The following ADK variants were observed in gnomAD, a reference collection of about 807,000 sequenced individuals.
The protein encoded by ADK is adenosine kinase.
Under a neutral mutation model 44.7 loss-of-function variants are expected in ADK, and 24 were observed. That is an observed-to-expected ratio of 0.54 (90% CI 0.39 to 0.76). ADK has a LOEUF of 0.76. Ranked by LOEUF, ADK falls within the 30% of genes least tolerant of loss-of-function variation. The probability of loss-of-function intolerance (pLI) is 0.00; values close to 1 mark genes in which losing one functional copy is unlikely to be tolerated. For missense variants in ADK, 321 were observed against 425.1 expected, an observed-to-expected ratio of 0.76 and a Z score of 2.15; for synonymous variants, 128 against 142.6, an observed-to-expected ratio of 0.90 and a Z score of 0.73.
chr10:74,382,301 A>T (rs1380508344), intron 4 of ADK, among the ~76,000 whole-genome samples: 1 of 152,044 alleles, frequency 6.6e-6, no homozygotes, highest in Non-Finnish European at 1.5e-5. Flanking sequence ...GTTTTACCAC[A>T]TTGCCTAGGC....
At position 74,600,420 on chromosome 10, in the gene ADK, G is replaced by A; in HGVS notation, c.804G>A (p.Leu268=). The A allele has an allele frequency of 6.2e-7, 1 of 1,610,984 alleles. No individual in the cohort carries two copies. Among genetic ancestry groups the A allele is most frequent in the Non-Finnish European group, 8.5e-7 (1 of 1,178,322 alleles). Reference sequence around the variant, plus strand: ...AGATAGCCAAAAAGACACAAGCCCTGCCAAAGATGAACTCAAAGAGGCAGC... The same window carrying A: ...AGATAGCCAAAAAGACACAAGCCCTACCAAAGATGAACTCAAAGAGGCAGC... ...IKEIAKKTQA[L]PKMNSKRQRI... The change falls in exon 9 of 11, where the codon CTG becomes CTA. Residue 268 remains leucine, a synonymous_variant. Transcript: ENST00000539909.
chr10:74,244,008 A>AT (rs1195409110), intron 3 of ADK, among the ~76,000 whole-genome samples: 2 of 151,792 alleles, frequency 1.3e-5, no homozygotes. Context: ...TTAAAAAAAA[A>AT]CTAATACCAC....
At chr10:74,371,045 C>T (rs1592113812) in intron 4 of ADK, among the ~76,000 whole-genome samples, 1 of 152,096 alleles carries the variant, frequency 6.6e-6, no homozygotes, top group African/African-American at 2.4e-5. Context: ...TCAAACAACA[C>T]ATTATGATGA....
chr10:74,285,810 G>A (rs1407674432), intron 3 of ADK, among the ~76,000 whole-genome samples: 1 of 152,176 alleles, frequency 6.6e-6, no homozygotes, highest in Non-Finnish European at 1.5e-5. Flanking sequence ...TCTGGTAGGT[G>A]CAATCAACAG....
At chr10:74,547,761 C>G (rs1361752127) in intron 7 of ADK, among the ~76,000 whole-genome samples, 2 of 151,926 alleles carry the variant, frequency 1.3e-5, no homozygotes, top group Non-Finnish European at 2.9e-5. Flanking sequence ...TGGATTGAAG[C>G]AATTCTCCTG....
chr10:74,505,042 G>A (rs1848010436), intron 6 of ADK, among the ~76,000 whole-genome samples: 1 of 152,154 alleles, frequency 6.6e-6, no homozygotes, highest in Admixed American at 6.5e-5. Context: ...GCAGGCTGAA[G>A]AGGAGGGTGG....
chr10:74,260,081 T>C (rs2132369549), intron 3 of ADK, among the ~76,000 whole-genome samples: 1 of 151,998 alleles, frequency 6.6e-6, no homozygotes, highest in East Asian at 1.9e-4. Flanking sequence ...AAAGGTAATA[T>C]GTGTACATGG....
intron 4 of ADK, among the ~76,000 whole-genome samples, chr10:74,363,045 A>T (rs1223463801): frequency 6.6e-6 from 1 of 152,236 alleles, no homozygotes; most frequent in Non-Finnish European, 1.5e-5. Context: ...TGTGGAAAGG[A>T]GGCTGATTGG....
rs151288973 is a variant in ADK at position 74,343,230 on chromosome 10, G to A, written c.273+28485G>A. ...CTTGCACAACATGGCGATTGTGGGT[G>A]CTGACCCACTGCATAGTCTAAAATC... On this transcript the variant is annotated intron_variant, in intron 4 of 10. Transcript: ENST00000539909. Among the ~76,000 whole-genome samples the A allele has an allele frequency of 4.8e-3, 728 of 152,152 alleles. 9 individuals carry two copies. Among genetic ancestry groups the A allele is most frequent in the African/African-American group, 0.016 (679 of 41,502 alleles).
At chr10:74,484,358 G>T (rs1020537630) in intron 6 of ADK, among the ~76,000 whole-genome samples, 3 of 152,124 alleles carry the variant, frequency 2.0e-5, no homozygotes, top group Non-Finnish European at 4.4e-5. Context: ...GCCCCACTAG[G>T]CCCCTCTTCT....
intron 6 of ADK, among the ~76,000 whole-genome samples, chr10:74,483,566 A>C (rs1847153057): frequency 6.6e-6 from 1 of 152,154 alleles, no homozygotes; most frequent in Admixed American, 6.5e-5. Context: ...CAGGCTGTAC[A>C]TTTTCCAAAC....
At chr10:74,470,361 T>G (rs1846523107) in intron 6 of ADK, among the ~76,000 whole-genome samples, 1 of 152,052 alleles carries the variant, frequency 6.6e-6, no homozygotes, top group South Asian at 2.1e-4. Flanking sequence ...GATGGACATT[T>G]AGATTGCTTC....
intron 7 of ADK, among the ~76,000 whole-genome samples, chr10:74,544,702 C>T (rs1849763205): frequency 6.6e-6 from 1 of 151,896 alleles, no homozygotes; most frequent in African/African-American, 2.4e-5. Context: ...TGGTGAAACC[C>T]CTTCTCCACT....
chr10:74,493,886 AT>A (rs557514383), intron 6 of ADK, among the ~76,000 whole-genome samples: 5 of 151,776 alleles, frequency 3.3e-5, no homozygotes, highest in South Asian at 2.1e-4. Context: ...ATGTATGTGT[AT>A]TTTTTTTATT....
At chr10:74,244,386 G>A (rs1845337294) in intron 3 of ADK, among the ~76,000 whole-genome samples, 1 of 152,178 alleles carries the variant, frequency 6.6e-6, no homozygotes. Context: ...TATTTTGGGT[G>A]TAGATGAGCT....
rs528488763 is a variant in ADK, at chr10:74,403,523, CCATGGG to C, written c.555+4951_555+4956del. On this transcript the variant is annotated intron_variant, in intron 6 of 10. Transcript: ENST00000539909. ...TGCTGTGCTAGCAGTGAGCAAGGTTCCATGGGCATGGGACCCTCCGAGCCATGCGTG... is the reference window on the plus strand; with the variant it reads ...TGCTGTGCTAGCAGTGAGCAAGGTTCCATGGGACCCTCCGAGCCATGCGTG... 4.3e-3 allele frequency among the ~76,000 whole-genome samples: 661 copies of C among 152,280 alleles called. 4 individuals are homozygous for C. Among genetic ancestry groups the C allele is most frequent in the Non-Finnish European group, 7.1e-3 (480 of 68,022 alleles).
intron 5 of ADK, among the ~76,000 whole-genome samples, chr10:74,398,036 G>T (rs1029004279): frequency 6.6e-6 from 1 of 151,966 alleles, no homozygotes; most frequent in Non-Finnish European, 1.5e-5. Flanking sequence ...TCCATATTTG[G>T]CTTTTAAAGG....
intron 3 of ADK, among the ~76,000 whole-genome samples, chr10:74,238,303 T>A (rs905721667): frequency 2.0e-5 from 3 of 152,164 alleles, no homozygotes; most frequent in Admixed American, 2.0e-4. Context: ...AAGTACATGC[T>A]TCCTTATAAC....
At chr10:74,169,208 C>T (rs563888343) in intron 1 of ADK, among the ~76,000 whole-genome samples, 1 of 151,668 alleles carries the variant, frequency 6.6e-6, no homozygotes, top group African/African-American at 2.4e-5. Flanking sequence ...GACAGTGGGA[C>T]CCTGTCTTAA....
Sources: allele counts gnomAD v4.1 joint callset (sites outside exome capture counted in the v4.1 genomes callset), GRCh38; gene constraint gnomAD v4.1.1; transcripts MANE v1.5; gene names NCBI Gene and HGNC (gene_info 2026-07-23, HGNC 2026-07-21).